Variants in TAF6 observed in about 807,000 individuals in gnomAD.
TAF6 encodes transcription initiation factor TFIID subunit 6.
In TAF6, 50 loss-of-function variants were observed where a neutral mutation model predicts 73.5. The observed-to-expected ratio is 0.68, with a 90% CI of 0.54 to 0.86. TAF6 has a LOEUF of 0.86. Ranked by LOEUF, TAF6 falls within the 40% of genes least tolerant of loss-of-function variation. The pLI, the probability that TAF6 is intolerant of heterozygous loss-of-function variation, is 0.00. For missense variants in TAF6, 768 were observed against 899.5 expected (o/e 0.85, Z 1.87); for synonymous variants, 424 against 376.7 (o/e 1.13, Z -1.45).
At chr7:100,119,427 C>T, upstream of TAF6, 1 of 1,230,044 alleles carries the variant, frequency 8.1e-7, no homozygotes, top group Non-Finnish European at 1.0e-6. Context: ...CAGAATAAGT[C>T]CTCTAGGCTC....
At position 100,119,357 on chromosome 7, in the gene TAF6, C is replaced by A; in HGVS notation, c.-213G>T. ...GCGCTCGGCGCCATCTTGGCCCCGC[C>A]CCCTCGTGGGAGCAGGTCCTGGCAG... is the stretch of plus-strand genomic sequence containing the variant. On this transcript the variant is annotated 5_prime_UTR_variant, in exon 1 of 15. Transcript: ENST00000453269. The A allele has an allele frequency of 9.6e-7, 1 of 1,044,294 alleles. No homozygotes were observed. Among genetic ancestry groups the A allele is most frequent in the Non-Finnish European group, 1.2e-6 (1 of 865,672 alleles). The allele number at this position is 1,044,294 out of a possible 1,614,324, so 64.7% of individuals were successfully genotyped here. A position where few individuals can be genotyped will look rare whatever the true frequency, so the allele number is the denominator to read the frequency against.
At chr7:100,110,484 T>G in intron 10 of TAF6, 1 of 473,682 alleles carries the variant, frequency 2.1e-6, no homozygotes, top group Middle Eastern at 6.1e-4. Flanking sequence ...CTAGTCAACA[T>G]GGTGAAACTC....
chr7:100,122,963 T>C, upstream of TAF6: 1 of 1,556,516 alleles, frequency 6.4e-7, no homozygotes, highest in Non-Finnish European at 8.7e-7. Flanking sequence ...AGAGGGGAGC[T>C]AGGTTCTAGG....
rs1797508969 is a variant in TAF6, at chr7:100,114,440, G to A, written c.-59-172C>T. 3 of 708,206 alleles carry A rather than the reference G, an allele frequency of 4.2e-6. No individual in the cohort carries two copies. In the East Asian group the frequency reaches 8.1e-5, roughly 19 times the overall value. 43.9% of individuals were successfully genotyped at this position (708,206 alleles called of 1,614,324 possible). A position where few individuals can be genotyped will look rare whatever the true frequency, so the allele number is the denominator to read the frequency against. ...AAGATACAAATCTGGGCTGGGGCCAGGTTCAGTGGCTCACGCCTGTAATCC... is the reference window on the plus strand; with the variant it reads ...AAGATACAAATCTGGGCTGGGGCCAAGTTCAGTGGCTCACGCCTGTAATCC... On this transcript the variant is annotated intron_variant, in intron 1 of 14. Coordinates refer to ENST00000453269, the MANE Select transcript of TAF6 (RefSeq NM_139315.3).
chr7:100,110,417 A>G (rs1797062420), intron 10 of TAF6, 143 bp from the exon 11 acceptor site: 1 of 880,838 alleles, frequency 1.1e-6, no homozygotes, highest in Non-Finnish European at 1.8e-6. Flanking sequence ...CTGTAATCCC[A>G]GCACTTTGGG....
At chr7:100,110,118 G>C (rs1797029885) in intron 11 of TAF6, 45 bp from the exon 12 acceptor site, 1 of 1,613,888 alleles carries the variant, frequency 6.2e-7, no homozygotes, top group South Asian at 1.1e-5. Flanking sequence ...GGGTCACCAG[G>C]GTCTCCCAGA....
At chr7:100,121,086 A>AT, upstream of TAF6, 1 of 57,570 alleles carries the variant, frequency 1.7e-5, no homozygotes. Flanking sequence ...CAATTGTATT[A>AT]ATTTTATATA....
chr7:100,113,374 T>G lies in TAF6; in HGVS notation c.429A>C (p.Pro143=). 1 of 1,596,154 alleles carries G rather than the reference T, an allele frequency of 6.3e-7. No individual in the cohort carries two copies. The highest frequency in any genetic ancestry group is 8.5e-7 in the Non-Finnish European group (1 of 1,170,784). The part of the protein sequence containing the change: ...AHWLSIEGCQ[P]AIPENPPPAP... ...CTGGGGGCGGGTTCTCGGGGATAGC[T>G]GGCTGGCAGCCCTCGATGCTCAGCC... The change falls in exon 5 of 15, where the codon CCA becomes CCC. Residue 143 remains proline (P), a synonymous_variant. Transcript: ENST00000453269.
At position 100,111,338 on chromosome 7, in the gene TAF6, G is replaced by A. The variant is rs368025715; in HGVS notation, c.901-17C>T. The A allele has an allele frequency of 2.1e-5, 34 of 1,603,764 alleles. No homozygotes were observed. The highest frequency in any genetic ancestry group is 9.0e-5 in the East Asian group (4 of 44,582). ...CTCATGGACCTAAGGGAGAAAGGGCGGGACAGCTGATTCTGGTTTTGTTTG... is the reference window on the plus strand; with the variant it reads ...CTCATGGACCTAAGGGAGAAAGGGCAGGACAGCTGATTCTGGTTTTGTTTG... On this transcript the variant is annotated splice_polypyrimidine_tract_variant and intron_variant, in intron 9 of 14. Coordinates refer to ENST00000453269, the MANE Select transcript of TAF6 (RefSeq NM_139315.3).
At chr7:100,108,307 G>A in intron 13 of TAF6, 60 bp downstream of exon 13, 3 of 1,537,194 alleles carry the variant, frequency 2.0e-6, no homozygotes, top group Non-Finnish European at 2.6e-6. Context: ...GCAAGTGCCT[G>A]TCCCACACAG....
the TAF6 span, chr7:100,125,054 G>A: frequency 4.0e-6 from 3 of 758,122 alleles, no homozygotes; most frequent in Non-Finnish European, 6.2e-6. Context: ...GAAACAGCAT[G>A]ACATGGCTTC....
chr7:100,121,024 T>C (rs75398432), upstream of TAF6: 4 of 144,386 alleles, frequency 2.8e-5, no homozygotes, highest in African/African-American at 1.0e-4. Context: ...TTTATATATG[T>C]TGATTTATTT....
upstream of TAF6, chr7:100,124,805 G>A (rs1477095982): frequency 1.9e-6 from 3 of 1,613,100 alleles, no homozygotes; most frequent in Middle Eastern, 1.7e-4. Flanking sequence ...GCAGGAGGAG[G>A]AGGAGGAAGA....
At chr7:100,118,216 G>A (rs1304264946) in intron 1 of TAF6, among the ~76,000 whole-genome samples, 1 of 152,036 alleles carries the variant, frequency 6.6e-6, no homozygotes, top group African/African-American at 2.4e-5. Context: ...AACCAGACAT[G>A]GTGGCGGGCG....
At chr7:100,108,182 G>T in intron 13 of TAF6, 59 bp from the exon 14 acceptor site, 1 of 1,528,504 alleles carries the variant, frequency 6.5e-7, no homozygotes, top group South Asian at 1.2e-5. Flanking sequence ...GGAGTCTGAA[G>T]GGAGAGGCCT....
At chr7:100,119,582 C>G, upstream of TAF6, 1 of 1,465,058 alleles carries the variant, frequency 6.8e-7, no homozygotes, top group Non-Finnish European at 9.1e-7. Context: ...GCAGGGAAAC[C>G]CGTAGCAACG....
rs1019122051 is a variant in TAF6 at position 100,107,265 on chromosome 7, G to C, written c.2015C>G (p.Ser672Cys). The C allele has an allele frequency of 6.6e-7, 1 of 1,523,860 alleles. No homozygotes were observed. The highest frequency in any genetic ancestry group is 1.4e-5 in the African/African-American group (1 of 71,818). The allele number at this position is 1,523,860 out of a possible 1,614,324, so 94.4% of individuals were successfully genotyped here. The stretch of plus-strand genomic sequence containing the variant: ...GGAGCATCACGGAGCAGGCTGAGGG[G>C]AGCCGGAGTTGGGCTGGGAGCCATT... ...KANGSQPNSG[S>C]PQPAP Residue 672 changes from serine to cysteine, a missense_variant, in exon 15 of 15, where the codon TCC becomes TGC. By Grantham distance (112) the Ser-to-Cys change is moderately radical. This residue lies in a region of TAF6 where 350 missense variants were observed against 352.3 expected (regional missense o/e 0.99). Coordinates refer to ENST00000453269, the MANE Select transcript of TAF6 (RefSeq NM_139315.3).
the TAF6 span, among the ~76,000 whole-genome samples, chr7:100,125,800 T>G: frequency 6.6e-6 from 1 of 152,118 alleles, no homozygotes; most frequent in East Asian, 1.9e-4. Flanking sequence ...TCCTAGCACT[T>G]TGGGAGGCCG....
chr7:100,120,891 AC>A, upstream of TAF6, among the ~76,000 whole-genome samples: 1 of 152,090 alleles, frequency 6.6e-6, no homozygotes, highest in Non-Finnish European at 1.5e-5. Flanking sequence ...ACTGACAGAG[AC>A]CTGTAGATAG....
Sources: gnomAD v4.1 joint callset for allele counts (sites outside exome capture counted in the v4.1 genomes callset) on GRCh38, gnomAD v4.1.1 for gene constraint, gnomAD v4.1.1 regional missense constraint, MANE v1.5 for transcripts, NCBI Gene and HGNC (gene_info 2026-07-23, HGNC 2026-07-21) for gene names.